Variants in PLPP1 observed in about 807,000 individuals in gnomAD.
PLPP1 encodes the protein phospholipid phosphatase 1.
Under a neutral mutation model 31.2 loss-of-function variants are expected in PLPP1, and 24 were observed. That is an observed-to-expected ratio of 0.77 (90% CI 0.56 to 1.08). The LOEUF is 1.08. PLPP1 is among the 50% of genes least tolerant of loss of function. PLPP1 has a pLI of 0.00. For synonymous variants in PLPP1, 146 were observed against 126.3 expected (o/e 1.16, Z -1.05); for missense variants, 319 against 342.7 (o/e 0.93, Z 0.55).
chr5:55,462,108 AT>A (rs1317335430), intron 3 of PLPP1, among the ~76,000 whole-genome samples: 2 of 152,226 alleles, frequency 1.3e-5, no homozygotes, highest in African/African-American at 2.4e-5. Flanking sequence ...TAACATGGCA[AT>A]TCTTCAAAAA....
chr5:55,529,101 T>C (rs1740568773), intron 1 of PLPP1, among the ~76,000 whole-genome samples: 1 of 152,030 alleles, frequency 6.6e-6, no homozygotes, highest in South Asian at 2.1e-4. Context: ...CTAGATCACT[T>C]AGCACTGTGA....
At chr5:55,476,593 A>G (rs1752556304) in intron 1 of PLPP1, among the ~76,000 whole-genome samples, 1 of 152,130 alleles carries the variant, frequency 6.6e-6, no homozygotes, top group Admixed American at 6.6e-5. Flanking sequence ...CTGCTTTAAG[A>G]CTGACCCAAG....
intron 1 of PLPP1, among the ~76,000 whole-genome samples, chr5:55,477,197 T>C (rs1420079535): frequency 6.6e-6 from 1 of 152,144 alleles, no homozygotes; most frequent in East Asian, 1.9e-4. Context: ...ATGGTTACAA[T>C]ATAACTTCAA....
At chr5:55,512,385 C>A (rs1753434104) in intron 1 of PLPP1, among the ~76,000 whole-genome samples, 1 of 151,128 alleles carries the variant, frequency 6.6e-6, no homozygotes, top group African/African-American at 2.4e-5. Flanking sequence ...GCAGGGAAAT[C>A]ACTTGAACCC....
At chr5:55,516,995 T>G (rs1208509628) in intron 1 of PLPP1, among the ~76,000 whole-genome samples, 1 of 152,162 alleles carries the variant, frequency 6.6e-6, no homozygotes, top group African/African-American at 2.4e-5. Context: ...CTCATATAAT[T>G]CACTAAAGTC....
intron 3 of PLPP1, among the ~76,000 whole-genome samples, chr5:55,458,631 T>TA (rs1344925780): frequency 1.3e-5 from 2 of 152,200 alleles, no homozygotes; most frequent in East Asian, 3.9e-4. Flanking sequence ...CTCACGCCTG[T>TA]AGTCCCAGCA....
chr5:55,499,129 T>C (rs79976394), intron 1 of PLPP1, among the ~76,000 whole-genome samples: 66 of 152,322 alleles, frequency 4.3e-4, no homozygotes, highest in African/African-American at 1.4e-3. Context: ...CACTTCAAAA[T>C]AGGACTTTAC....
intron 1 of PLPP1, among the ~76,000 whole-genome samples, chr5:55,490,716 T>C (rs892297921): frequency 6.6e-6 from 1 of 152,128 alleles, no homozygotes; most frequent in South Asian, 2.1e-4. Context: ...AAAAAGACTC[T>C]CCTATTCAAA....
At chr5:55,513,807 T>TTC (rs1753495794) in intron 1 of PLPP1, among the ~76,000 whole-genome samples, 2 of 152,278 alleles carry the variant, frequency 1.3e-5, no homozygotes, top group East Asian at 3.9e-4. Flanking sequence ...ACATCTGTGG[T>TTC]TCCAGCTACT....
intron 4 of PLPP1, among the ~76,000 whole-genome samples, chr5:55,438,215 A>G (rs1751538484): frequency 6.6e-6 from 1 of 152,188 alleles, no homozygotes; most frequent in Admixed American, 6.5e-5. Context: ...ATAATCAAAT[A>G]AATTTGGAAT....
At chr5:55,434,729 G>C (rs1040806476) in intron 4 of PLPP1, among the ~76,000 whole-genome samples, 1 of 152,058 alleles carries the variant, frequency 6.6e-6, no homozygotes, top group Non-Finnish European at 1.5e-5. Flanking sequence ...ATATGCAGAA[G>C]AATGAAATTG....
chr5:55,514,721 A>G (rs1275300103), intron 1 of PLPP1, among the ~76,000 whole-genome samples: 2 of 152,248 alleles, frequency 1.3e-5, no homozygotes, highest in African/African-American at 4.8e-5. Context: ...GCCAAAAACG[A>G]CTGGCAAAAT....
In PLPP1 at chr5:55,425,210, G is replaced by A. The variant is rs374700270; in HGVS notation, c.851C>T (p.Pro284Leu). The change falls in exon 6 of 6, where the codon CCT (proline) becomes CTT (leucine). Residue 284 changes from proline (P) to leucine (L), a missense_variant. Pro to Leu is a moderately conservative substitution (Grantham distance 98). Transcript: ENST00000307259. Reference sequence around the variant, plus strand: ...ACCTGGGCACCCTGCTGCCTTTCAAGGCTGGTGATTGCTCGGATAGTGATT... The same window carrying A: ...ACCTGGGCACCCTGCTGCCTTTCAAAGCTGGTGATTGCTCGGATAGTGATT... ...TGNHYPSNHQ[P>L] 4.5e-5 allele frequency: 73 copies of A among 1,613,024 alleles called. No homozygotes were observed. The highest frequency in any genetic ancestry group is 5.8e-5 in the Non-Finnish European group (68 of 1,179,734).
chr5:55,432,194 C>T (rs1330688002), intron 4 of PLPP1, among the ~76,000 whole-genome samples: 2 of 151,512 alleles, frequency 1.3e-5, no homozygotes, highest in African/African-American at 4.9e-5. Flanking sequence ...TCTCCCACCT[C>T]GGCCTCTCAA....
At chr5:55,491,989 C>T (rs973722372) in intron 1 of PLPP1, among the ~76,000 whole-genome samples, 2 of 151,906 alleles carry the variant, frequency 1.3e-5, no homozygotes, top group African/African-American at 4.8e-5. Context: ...AACAAACACC[C>T]GGTTTTATTA....
intron 3 of PLPP1, among the ~76,000 whole-genome samples, chr5:55,455,709 T>C (rs1487048946): frequency 6.6e-6 from 1 of 152,224 alleles, no homozygotes; most frequent in Non-Finnish European, 1.5e-5. Flanking sequence ...TATCCTGAAG[T>C]AGATGTCATC....
At chr5:55,511,277 G>A (rs1212786910) in intron 1 of PLPP1, among the ~76,000 whole-genome samples, 2 of 152,138 alleles carry the variant, frequency 1.3e-5, no homozygotes, top group Non-Finnish European at 2.9e-5. Flanking sequence ...ACAACCCAAG[G>A]TTTGCCAAAG....
chr5:55,531,562 G>A (rs1340320741), intron 1 of PLPP1, among the ~76,000 whole-genome samples: 2 of 152,218 alleles, frequency 1.3e-5, no homozygotes, highest in Non-Finnish European at 2.9e-5. Context: ...CTTATGAAGT[G>A]CTTAATCATC....
chr5:55,469,741 G>C (rs986352325), intron 2 of PLPP1, among the ~76,000 whole-genome samples: 1 of 152,096 alleles, frequency 6.6e-6, no homozygotes, highest in African/African-American at 2.4e-5. Flanking sequence ...GTTGCTTCCC[G>C]AAAGGGATTT....
Sources: gnomAD v4.1 joint callset for allele counts (sites outside exome capture counted in the v4.1 genomes callset) on GRCh38, gnomAD v4.1.1 for gene constraint, MANE v1.5 for transcripts, NCBI Gene and HGNC (gene_info 2026-07-23, HGNC 2026-07-21) for gene names.